The following TLE6 variants were observed in gnomAD, a reference collection of about 807,000 sequenced individuals.
TLE6 encodes the protein transducin-like enhancer protein 6.
TLE6 carries 72 observed loss-of-function variants against 77.1 expected under a neutral mutation model. The ratio of observed to expected loss-of-function variants is 0.93; its 90% CI spans 0.77 to 1.14. TLE6 has a LOEUF of 1.14. Ranked by LOEUF, TLE6 falls within the 50% of genes most tolerant of loss-of-function variation. The pLI is 0.00. For synonymous variants in TLE6, 366 were observed against 287.3 expected, an observed-to-expected ratio of 1.27 and a Z score of -2.77; for missense variants, 843 against 747.6, an observed-to-expected ratio of 1.13 and a Z score of -1.49.
rs2088999271 is a variant in TLE6, at chr19:2,989,664, T to C, written c.1123T>C (p.Leu375=). 6.2e-7 allele frequency: 1 copy of C among 1,614,206 alleles called. No homozygotes were observed. Among genetic ancestry groups the C allele is most frequent in the South Asian group, 1.1e-5 (1 of 91,078 alleles). Residue 375 remains leucine (L), a synonymous_variant, in exon 13 of 17, where the codon TTG becomes CTG. Coordinates refer to ENST00000246112, the MANE Select transcript of TLE6 (RefSeq NM_001143986.2). ...AAPSLHVKEQ[L]PCAGLNCQAL... ...GCCCTCCCTGCATGTGAAGGAGCAGTTGCCCTGTGCAGGTCTCAACTGCCA... is the reference window on the plus strand; with the variant it reads ...GCCCTCCCTGCATGTGAAGGAGCAGCTGCCCTGTGCAGGTCTCAACTGCCA...
At chr19:2,980,956 C>T (rs2088785620) in intron 3 of TLE6, among the ~76,000 whole-genome samples, 2 of 151,626 alleles carry the variant, frequency 1.3e-5, no homozygotes, top group Admixed American at 6.6e-5. Flanking sequence ...GAGACTGAGG[C>T]AGGAGGATCA....
chr19:2,989,767 G>A lies in TLE6; in HGVS notation c.1226G>A (p.Arg409Gln), dbSNP rs1310808966. Residue 409 changes from arginine (R) to glutamine (Q), a missense_variant, in exon 13 of 17, where the codon CGG (arginine) becomes CAG (glutamine). Physicochemically the swap from Arg to Gln is conservative, Grantham distance 43. Transcript: ENST00000246112. ...TSGVVRIWDL[R>Q]DQSVVRDLKG... is the part of the protein sequence containing the mutation. ...GGTGTGGTCAGGATCTGGGACCTGCGGGATCAGAGTGTGGTCAGGTGCGTT... is the reference window on the plus strand; with the variant it reads ...GGTGTGGTCAGGATCTGGGACCTGCAGGATCAGAGTGTGGTCAGGTGCGTT... 5.0e-6 allele frequency: 8 copies of A among 1,614,034 alleles called. No individual in the cohort carries two copies. Among genetic ancestry groups the A allele is most frequent in the East Asian group, 2.2e-5 (1 of 44,878 alleles).
rs2145019765 is a variant in TLE6 at position 2,981,629 on chromosome 19, A to AAC, written c.180+46_180+47insAC. 2.6e-6 allele frequency: 4 copies of AAC among 1,542,862 alleles called. No individual in the cohort carries two copies. The East Asian group carries it at 9.8e-5, about 38-fold the overall frequency. ...CCCAACCAAGGAGGGCCCCACTGGG[A>AAC]CAAGCTGAGGCCCTGGTTTCCCGGC... On this transcript the variant is annotated intron_variant, in intron 4 of 16. Coordinates refer to ENST00000246112, the MANE Select transcript of TLE6 (RefSeq NM_001143986.2).
At chr19:2,994,369 G>A (rs2089160349) in intron 16 of TLE6, among the ~76,000 whole-genome samples, 1 of 152,158 alleles carries the variant, frequency 6.6e-6, no homozygotes, top group Non-Finnish European at 1.5e-5. Context: ...CCAGCACTTT[G>A]GGAGGCCGAG....
intron 13 of TLE6, among the ~76,000 whole-genome samples, chr19:2,991,420 A>G (rs906606649): frequency 1.3e-5 from 2 of 149,152 alleles, no homozygotes; most frequent in African/African-American, 5.0e-5. Flanking sequence ...ACACACACAC[A>G]CACACATATA....
intron 2 of TLE6, 101 bp from the exon 3 acceptor site, chr19:2,979,999 T>A: frequency 2.3e-6 from 2 of 877,718 alleles, no homozygotes; most frequent in East Asian, 5.9e-5. Context: ...CACAATTACT[T>A]TTGCACCAAC....
rs899275728 is a variant in TLE6, at chr19:2,987,457, C to T, written c.558+85C>T. ...CCCCCAGGTCAGGGCACTGGGGTTC[C>T]TGTGGGATTTGTCTTCCTTCCATCC... On this transcript the variant is annotated intron_variant, in intron 8 of 16. Coordinates refer to ENST00000246112, the MANE Select transcript of TLE6 (RefSeq NM_001143986.2). 1.3e-5 allele frequency: 20 copies of T among 1,582,166 alleles called. No homozygotes were observed. In the East Asian group the frequency reaches 4.3e-4, roughly 34 times the overall value.
intron 5 of TLE6, among the ~76,000 whole-genome samples, chr19:2,986,045 G>C (rs1371384912): frequency 8.7e-6 from 1 of 115,420 alleles, no homozygotes; most frequent in African/African-American, 3.5e-5. Flanking sequence ...CTGCACTCCT[G>C]CCTGGGCCAC....
At chr19:2,993,757 C>T (rs2089140530) in intron 15 of TLE6, among the ~76,000 whole-genome samples, 175 bp downstream of exon 15, 1 of 151,890 alleles carries the variant, frequency 6.6e-6, no homozygotes, top group African/African-American at 2.4e-5. Context: ...GGGGTGGGTG[C>T]CTGGGCCCTT....
At chr19:2,992,215 G>C (rs1276036339) in intron 14 of TLE6, among the ~76,000 whole-genome samples, 1 of 152,120 alleles carries the variant, frequency 6.6e-6, no homozygotes, top group Non-Finnish European at 1.5e-5. Context: ...GCTCACACCT[G>C]TAATCCCAGC....
In TLE6 at chr19:2,991,836, T is replaced by C; in HGVS notation, c.1245-7T>C. 6.2e-7 allele frequency: 1 copy of C among 1,613,530 alleles called. No homozygotes were observed. Among genetic ancestry groups the C allele is most frequent in the African/African-American group, 1.3e-5 (1 of 74,980 alleles). On this transcript the variant is annotated splice_polypyrimidine_tract_variant and splice_region_variant and intron_variant, in intron 13 of 16. Coordinates refer to ENST00000246112, the MANE Select transcript of TLE6 (RefSeq NM_001143986.2). ...CCTGATTGCCTCCCGATGTCCCTTC[T>C]GGCCAGGGACCTCAAGGGTTATCCT...
chr19:2,985,223 C>T (rs1327172837), intron 5 of TLE6, among the ~76,000 whole-genome samples: 1 of 151,838 alleles, frequency 6.6e-6, no homozygotes, highest in Non-Finnish European at 1.5e-5. Flanking sequence ...GCACTCCAGC[C>T]TGGGCGACAG....
chr19:2,987,205 G>A lies in TLE6; in HGVS notation c.508G>A (p.Val170Ile), dbSNP rs375620029. The A allele has an allele frequency of 1.2e-5, 19 of 1,613,980 alleles. No individual in the cohort carries two copies. The highest frequency in any genetic ancestry group is 4.0e-5 in the African/African-American group (3 of 74,922). The change falls in exon 7 of 17, where the codon GTC becomes ATC. Residue 170 changes from valine (V) to isoleucine (I), a missense_variant. Coordinates refer to ENST00000246112, the MANE Select transcript of TLE6 (RefSeq NM_001143986.2). ...TEQLWRIFAGVHDEKAKPRDR... is the reference protein window; with the variant it reads ...TEQLWRIFAGIHDEKAKPRDR... ...GCAACTCTGGCGGATTTTTGCCGGC[G>A]TCCACGATGAGAAGGCAAAGCCCAG...
In TLE6 at chr19:2,988,221, C is replaced by G. The variant is rs1052219299; in HGVS notation, c.740+93C>G. ...TCTGTTCCCGACACATAGAGGGGAACAGAGGTGTAAGACTTTCTTCCCCTT... is the reference window on the plus strand; with the variant it reads ...TCTGTTCCCGACACATAGAGGGGAAGAGAGGTGTAAGACTTTCTTCCCCTT... On this transcript the variant is annotated intron_variant, in intron 11 of 16. Transcript: ENST00000246112. 10 of 1,315,760 alleles carry G rather than the reference C, an allele frequency of 7.6e-6. No individual in the cohort carries two copies. In the African/African-American group the frequency reaches 1.3e-4, roughly 17 times the overall value. The allele number at this position is 1,315,760 out of a possible 1,614,324, so 81.5% of individuals were successfully genotyped here. A position where few individuals can be genotyped will look rare whatever the true frequency, so the allele number is the denominator to read the frequency against.
chr19:2,987,238 C>CGT lies in TLE6; in HGVS notation c.541+2_541+3dup. 6.2e-7 allele frequency: 1 copy of CGT among 1,614,116 alleles called. No homozygotes were observed. The highest frequency in any genetic ancestry group is 8.5e-7 in the Non-Finnish European group (1 of 1,179,992). On this transcript the variant is annotated frameshift_variant and splice_region_variant. Coordinates refer to ENST00000246112, the MANE Select transcript of TLE6 (RefSeq NM_001143986.2). LOFTEE classifies it high-confidence loss of function. ...TGAGAAGGCAAAGCCCAGAGACAGA[C>CGT]GTGAGTGTCCCTGAGGGTGAGGGGG...
Position 2,995,047 on chromosome 19 carries a change from C to G in TLE6, c.*43C>G. ...ATCCCACTCCGGCTCCTCTTTTCAT[C>G]CCCCCCCTTCCCCCCCCCCAACAAG... On this transcript the variant is annotated 3_prime_UTR_variant, in exon 17 of 17. Transcript: ENST00000246112. 1 of 977,106 alleles carries G rather than the reference C, an allele frequency of 1.0e-6. No individual in the cohort carries two copies. Among genetic ancestry groups the G allele is most frequent in the Non-Finnish European group, 1.4e-6 (1 of 696,414 alleles). The allele number at this position is 977,106 out of a possible 1,614,324, so 60.5% of individuals were successfully genotyped here. A position where few individuals can be genotyped will look rare whatever the true frequency, so the allele number is the denominator to read the frequency against.
rs769766151 is a variant in TLE6 at position 2,989,537 on chromosome 19, C to A, written c.996C>A (p.Thr332=). ...RFPESHLPIQ[T]PGAFLRTCLL... ...CACAGTGACTCTGCCCATCCCAGAC[C>A]CCTGGGGCCTTCCTGCGCACCTGCC... Residue 332 remains threonine (T), a splice_region_variant and synonymous_variant, in exon 13 of 17, where the codon ACC becomes ACA. Transcript: ENST00000246112. 6 of 1,611,380 alleles carry A rather than the reference C, an allele frequency of 3.7e-6. No individual in the cohort carries two copies. Among genetic ancestry groups the A allele is most frequent in the Non-Finnish European group, 5.1e-6 (6 of 1,179,378 alleles).
Position 2,989,612 on chromosome 19 carries a change from C to T in TLE6, c.1071C>T (p.Ala357=). 1.2e-6 allele frequency: 2 copies of T among 1,614,104 alleles called. No homozygotes were observed. Among genetic ancestry groups the T allele is most frequent in the South Asian group, 1.1e-5 (1 of 91,080 alleles). ...TGCTCACCGGTGGCTACAACCTGGC[C>T]AGCGTGAGCGTGTGGGACCTGGCGG... ...RSLLTGGYNL[A]SVSVWDLAAP... is the part of the protein sequence containing the mutation. Residue 357 remains alanine, a synonymous_variant, in exon 13 of 17, where the codon GCC becomes GCT. Transcript: ENST00000246112.
chr19:2,981,120 A>G (rs955141505), intron 3 of TLE6, among the ~76,000 whole-genome samples: 1 of 151,846 alleles, frequency 6.6e-6, no homozygotes, highest in Non-Finnish European at 1.5e-5. Flanking sequence ...GCACTTTGGG[A>G]GGCCGAGGTG....
Sources: allele counts gnomAD v4.1 joint callset (sites outside exome capture counted in the v4.1 genomes callset), GRCh38; gene constraint gnomAD v4.1.1; transcripts MANE v1.5; gene names NCBI Gene and HGNC (gene_info 2026-07-23, HGNC 2026-07-21).